The following COG6 variants were observed in gnomAD, a reference collection of about 807,000 sequenced individuals.
COG6 encodes conserved oligomeric Golgi complex subunit 6.
In COG6, 74 loss-of-function variants were observed where a neutral mutation model predicts 88.8. The ratio of observed to expected loss-of-function variants is 0.83; its 90% CI spans 0.69 to 1.01. COG6 has a LOEUF of 1.01. Ranked by LOEUF, COG6 falls within the 50% of genes least tolerant of loss-of-function variation. COG6 has a pLI of 0.00. For synonymous variants in COG6, 286 were observed against 278.7 expected (o/e 1.03, Z -0.26); for missense variants, 800 against 797.9 (o/e 1.00, Z -0.03).
At chr13:39,780,791 C>T (rs1881605606) in intron 18 of COG6, among the ~76,000 whole-genome samples, 2 of 152,138 alleles carry the variant, frequency 1.3e-5, no homozygotes, top group African/African-American at 2.4e-5. Flanking sequence ...CACAAGGACC[C>T]GGGCAGAGAA....
At chr13:39,772,559 A>T (rs974717039) in intron 18 of COG6, among the ~76,000 whole-genome samples, 1 of 152,136 alleles carries the variant, frequency 6.6e-6, no homozygotes, top group Non-Finnish European at 1.5e-5. Context: ...GGTCTTTTAA[A>T]GTTAGAGGAG....
chr13:39,678,556 G>T (rs1401872445), intron 5 of COG6, among the ~76,000 whole-genome samples: 2 of 152,068 alleles, frequency 1.3e-5, no homozygotes, highest in African/African-American at 4.8e-5. Flanking sequence ...TAAATAACAA[G>T]AAAAAGTTTC....
intron 4 of COG6, among the ~76,000 whole-genome samples, chr13:39,668,315 A>AATAGT (rs1232628491): frequency 1.5e-4 from 23 of 152,108 alleles, no homozygotes; most frequent in Non-Finnish European, 7.4e-5. Flanking sequence ...TGGTCCAGAG[A>AATAGT]CTATAATTTG....
exon 19 of COG6, chr13:39,790,029 AT>A (rs1486730766): frequency 6.6e-6 from 1 of 152,048 alleles, no homozygotes; most frequent in Non-Finnish European, 1.5e-5. Context: ...TTCCATTGCT[AT>A]TTTTTAACCA....
chr13:39,788,380 C>A, exon 19 of COG6: 1 of 1,551,006 alleles, frequency 6.4e-7, no homozygotes, highest in Non-Finnish European at 8.7e-7. Context: ...AGTGCAGGAC[C>A]TTGTGCTTCT....
chr13:39,717,008 G>A (rs7332791), intron 13 of COG6, among the ~76,000 whole-genome samples: 3 of 151,872 alleles, frequency 2.0e-5, no homozygotes, highest in Non-Finnish European at 4.4e-5. Context: ...AGTATGTCTT[G>A]TAGGGCAGGT....
At chr13:39,686,018 T>C (rs1876617103) in intron 8 of COG6, among the ~76,000 whole-genome samples, 1 of 152,204 alleles carries the variant, frequency 6.6e-6, no homozygotes, top group Non-Finnish European at 1.5e-5. Context: ...TTCTACAGAC[T>C]TTCTCTTTGA....
At chr13:39,754,302 C>G (rs1196908887), downstream of COG6, among the ~76,000 whole-genome samples, 2 of 151,984 alleles carry the variant, frequency 1.3e-5, no homozygotes, top group Non-Finnish European at 2.9e-5. Flanking sequence ...TTAGATATAT[C>G]CATATGATGG....
intron 13 of COG6, among the ~76,000 whole-genome samples, chr13:39,716,019 A>G (rs879411613): frequency 3.3e-5 from 5 of 151,994 alleles, no homozygotes; most frequent in Admixed American, 6.6e-5. Flanking sequence ...CATATTCTGG[A>G]GGTTTTTTTT....
chr13:39,665,323 T>G (rs758063375), intron 4 of COG6, among the ~76,000 whole-genome samples, 169 bp downstream of exon 4: 2 of 152,204 alleles, frequency 1.3e-5, no homozygotes, highest in Non-Finnish European at 2.9e-5. Flanking sequence ...GACAGTAGTT[T>G]AGGAGCAATA....
chr13:39,764,561 A>G (rs1293191048), intron 18 of COG6, among the ~76,000 whole-genome samples: 2 of 151,872 alleles, frequency 1.3e-5, no homozygotes, highest in Admixed American at 1.3e-4. Context: ...AAGCTTTTAT[A>G]TGTCATATTT....
intron 18 of COG6, among the ~76,000 whole-genome samples, chr13:39,782,243 A>G (rs1330185693): frequency 6.6e-6 from 1 of 152,228 alleles, no homozygotes; most frequent in African/African-American, 2.4e-5. Flanking sequence ...TCCAGCCAAT[A>G]TGGAGTAACA....
In COG6 at chr13:39,694,953, A is replaced by ACG. The variant is rs1041854120; in HGVS notation, c.1166+230_1166+231dup. ...TCCTTTTTTCTCCAAGCTTAACTAC[A>ACG]CGCACACACACACACACACACACAC... is the stretch of plus-strand genomic sequence containing the variant. On this transcript the variant is annotated intron_variant, in intron 12 of 18. Transcript: ENST00000455146. Among the ~76,000 whole-genome samples the ACG allele has an allele frequency of 5.0e-3, 397 of 79,694 alleles. 1 individual carries two copies. Among genetic ancestry groups the ACG allele is most frequent in the African/African-American group, 0.014 (356 of 24,912 alleles). The allele number at this position is 79,694 out of a possible 152,430, so 52.3% of individuals were successfully genotyped here.
chr13:39,695,961 A>G (rs1593432261), intron 12 of COG6, among the ~76,000 whole-genome samples: 1 of 152,120 alleles, frequency 6.6e-6, no homozygotes, highest in African/African-American at 2.4e-5. Context: ...AATAATTTTT[A>G]AAATTGTTTA....
At chr13:39,732,126 G>A (rs1363563958) in intron 18 of COG6, among the ~76,000 whole-genome samples, 1 of 152,140 alleles carries the variant, frequency 6.6e-6, no homozygotes, top group Non-Finnish European at 1.5e-5. Context: ...CCAATCTCCT[G>A]TGGAAACACC....
At chr13:39,676,817 G>A (rs1242554167) in intron 4 of COG6, among the ~76,000 whole-genome samples, 1 of 152,040 alleles carries the variant, frequency 6.6e-6, no homozygotes, top group African/African-American at 2.4e-5. Context: ...ACTTGCCTGT[G>A]GGTATTGATT....
chr13:39,724,673 T>C, intron 17 of COG6, 112 bp downstream of exon 17: 1 of 796,502 alleles, frequency 1.3e-6, no homozygotes, highest in Non-Finnish European at 2.2e-6. Flanking sequence ...CTTGACATGC[T>C]GTATTAACGT....
Position 39,682,409 on chromosome 13 carries a change from T to C in COG6, c.788+145T>C, listed in dbSNP as rs1876371151. The C allele has an allele frequency of 4.8e-6, 3 of 623,414 alleles. No individual in the cohort carries two copies. The East Asian group carries it at 8.6e-5, about 18-fold the overall frequency. 38.6% of individuals were successfully genotyped at this position (623,414 alleles called of 1,614,324 possible). A position where few individuals can be genotyped will look rare whatever the true frequency, so the allele number is the denominator to read the frequency against. On this transcript the variant is annotated intron_variant, in intron 8 of 18. Coordinates refer to ENST00000455146, the MANE Select transcript of COG6 (RefSeq NM_020751.3). ...ACAATACTGTTCACCTTAACTTGAA[T>C]TTGTTTCATGGGGTATCAGCTTATT...
At chr13:39,761,563 C>T (rs1394279048) in intron 18 of COG6, among the ~76,000 whole-genome samples, 1 of 151,750 alleles carries the variant, frequency 6.6e-6, no homozygotes, top group Non-Finnish European at 1.5e-5. Context: ...AGATTCAGCA[C>T]AGTAAAAGAA....
Sources: gnomAD v4.1 joint callset for allele counts (sites outside exome capture counted in the v4.1 genomes callset) on GRCh38, gnomAD v4.1.1 for gene constraint, MANE v1.5 for transcripts, NCBI Gene and HGNC (gene_info 2026-07-23, HGNC 2026-07-21) for gene names.